Variants in RELN observed in about 807,000 individuals in gnomAD.
RELN encodes the protein reelin.
RELN carries 108 observed loss-of-function variants against 427.6 expected under a neutral mutation model. The ratio of observed to expected loss-of-function variants is 0.25; its 90% CI spans 0.22 to 0.30. RELN has a LOEUF of 0.30. Ranked by LOEUF, RELN falls within the 10% of genes least tolerant of loss-of-function variation. The pLI is 1.00. For synonymous variants in RELN, 1,524 were observed against 1,513.4 expected, an observed-to-expected ratio of 1.01 and a Z score of -0.16; for missense variants, 3,715 against 4,302.8, an observed-to-expected ratio of 0.86 and a Z score of 3.82.
chr7:103,775,471 T>C (rs1323993853), intron 4 of RELN, among the ~76,000 whole-genome samples: 1 of 152,200 alleles, frequency 6.6e-6, no homozygotes, highest in Non-Finnish European at 1.5e-5. Flanking sequence ...TAATAAATGG[T>C]ATTTTCTTAG....
At chr7:103,794,743 A>AG (rs1329382610) in intron 3 of RELN, among the ~76,000 whole-genome samples, 6 of 152,142 alleles carry the variant, frequency 3.9e-5, no homozygotes, top group Admixed American at 3.9e-4. Flanking sequence ...TCTTTGCTGT[A>AG]GGGGGGCTTT....
At chr7:103,585,079 T>C (rs1050508878) in intron 28 of RELN, among the ~76,000 whole-genome samples, 1 of 152,124 alleles carries the variant, frequency 6.6e-6, no homozygotes, top group South Asian at 2.1e-4. Context: ...TAAAAGTTTA[T>C]AGCTTTAAAT....
At chr7:103,483,876 T>A in intron 61 of RELN, 26 bp from the exon 62 acceptor site, 1 of 1,601,186 alleles carries the variant, frequency 6.2e-7, no homozygotes, top group Non-Finnish European at 8.5e-7. Flanking sequence ...AAATCATCTT[T>A]ATTTTTATTT....
chr7:103,510,746 A>C, intron 51 of RELN, 105 bp downstream of exon 51: 1 of 928,670 alleles, frequency 1.1e-6, no homozygotes, highest in Non-Finnish European at 1.7e-6. Context: ...TTACTTTTCA[A>C]AGTATATACT....
chr7:103,551,101 C>T lies in RELN; in HGVS notation c.6268G>A (p.Glu2090Lys). The T allele has an allele frequency of 6.2e-7, 1 of 1,613,842 alleles. No homozygotes were observed. Among genetic ancestry groups the T allele is most frequent in the South Asian group, 1.1e-5 (1 of 91,072 alleles). ...YAGTMQGWRR[E>K]VVHFGKLHLC... is the part of the protein sequence containing the mutation. Reference sequence around the variant, plus strand: ...TGCAGCTTCCCAAAGTGCACGACCTCCCTCCTCCAGCCCTGCATGGTTCCT... The same window carrying T: ...TGCAGCTTCCCAAAGTGCACGACCTTCCTCCTCCAGCCCTGCATGGTTCCT... The change falls in exon 41 of 65, where the codon GAG becomes AAG. Residue 2090 changes from glutamate to lysine, a missense_variant. Transcript: ENST00000428762.
chr7:103,952,717 C>A (rs1012184499), intron 1 of RELN, among the ~76,000 whole-genome samples: 1 of 152,084 alleles, frequency 6.6e-6, no homozygotes, highest in Admixed American at 6.6e-5. Flanking sequence ...TGGAGGTGCA[C>A]ACTCAAAAAA....
intron 57 of RELN, among the ~76,000 whole-genome samples, chr7:103,495,423 G>T (rs1828809778): frequency 6.6e-6 from 1 of 150,898 alleles, no homozygotes; most frequent in Admixed American, 6.6e-5. Flanking sequence ...TCCTGCCCCA[G>T]CCTCCCAAAG....
intron 8 of RELN, among the ~76,000 whole-genome samples, chr7:103,701,686 T>C (rs1834095634): frequency 6.6e-6 from 1 of 152,210 alleles, no homozygotes; most frequent in African/African-American, 2.4e-5. Flanking sequence ...ACATGTCGAA[T>C]GAATTCATAT....
rs1584300117 is a variant in RELN at position 103,854,577 on chromosome 7, T to C, written c.338-20905A>G. ...AATTAAGGGATTAAGAGACTTAGTA[T>C]GAAAAAATATCATCTCCCTTGTGAC... On this transcript the variant is annotated intron_variant, in intron 2 of 64. Transcript: ENST00000428762. 2.0e-5 allele frequency among the ~76,000 whole-genome samples: 3 copies of C among 152,188 alleles called. No homozygotes were observed. In the East Asian group the frequency reaches 5.8e-4, roughly 29 times the overall value.
intron 2 of RELN, among the ~76,000 whole-genome samples, chr7:103,877,305 C>G (rs938375816): frequency 6.6e-6 from 1 of 152,092 alleles, no homozygotes; most frequent in African/African-American, 2.4e-5. Flanking sequence ...TTGGACACTT[C>G]CATTTGAATA....
Position 103,989,607 on chromosome 7 carries a change from C to T in RELN, c.-251G>A, listed in dbSNP as rs1216529773. On this transcript the variant is annotated 5_prime_UTR_variant, in exon 1 of 65. Coordinates refer to ENST00000428762, the MANE Select transcript of RELN (RefSeq NM_005045.4). This position sits in a 1 kb window ranked among gnomAD's most constrained non-coding sequence, Gnocchi z 4.9. Reference sequence around the variant, plus strand: ...CGGGCGCCGAGAGCGCGTCGTCTGCCGCCTCCGTGCGCCGCCGCCGCCTCT... The same window carrying T: ...CGGGCGCCGAGAGCGCGTCGTCTGCTGCCTCCGTGCGCCGCCGCCGCCTCT... The T allele has an allele frequency of 1.1e-5, 4 of 367,412 alleles. No individual in the cohort carries two copies. The East Asian group carries it at 1.4e-4, about 13-fold the overall frequency. 22.8% of individuals were successfully genotyped at this position (367,412 alleles called of 1,614,324 possible).
chr7:103,853,422 C>A (rs1412971149), intron 2 of RELN, among the ~76,000 whole-genome samples: 2 of 151,950 alleles, frequency 1.3e-5, no homozygotes, highest in African/African-American at 4.8e-5. Context: ...TCATTCCAAG[C>A]ATCAATCTGA....
intron 2 of RELN, among the ~76,000 whole-genome samples, chr7:103,842,528 G>T (rs145504401): frequency 5.3e-5 from 8 of 152,074 alleles, no homozygotes; most frequent in African/African-American, 1.9e-4. Context: ...CACCCTTATT[G>T]CAGCTTATCT....
At chr7:103,911,024 G>T (rs1008586553) in intron 2 of RELN, among the ~76,000 whole-genome samples, 16 of 140,818 alleles carry the variant, frequency 1.1e-4, no homozygotes, top group East Asian at 1.1e-3. Flanking sequence ...AAACTAAAGA[G>T]CTTCTGCACA....
intron 3 of RELN, among the ~76,000 whole-genome samples, chr7:103,832,837 C>T (rs78129807): frequency 7.2e-5 from 11 of 152,250 alleles, no homozygotes; most frequent in Non-Finnish European, 1.2e-4. Flanking sequence ...CTGCTTGGCA[C>T]TAATGGCCAG....
In RELN at chr7:103,862,459, CTAT is replaced by C. The variant is rs1584307979; in HGVS notation, c.338-28790_338-28788del. On this transcript the variant is annotated intron_variant, in intron 2 of 64. Coordinates refer to ENST00000428762, the MANE Select transcript of RELN (RefSeq NM_005045.4). ...TCTATCTATCTATCTATCTATCTAT[CTAT>C]CTATCTTCTCAATCTTTCTCCCTCT... Among the ~76,000 whole-genome samples, 3 of 147,624 alleles carry C rather than the reference CTAT, an allele frequency of 2.0e-5. No individual in the cohort carries two copies. The East Asian group carries it at 5.9e-4, about 29-fold the overall frequency.
intron 1 of RELN, among the ~76,000 whole-genome samples, chr7:103,965,073 T>C (rs565576205): frequency 6.6e-6 from 1 of 152,334 alleles, no homozygotes; most frequent in Admixed American, 6.5e-5. Context: ...TTAATATGTA[T>C]AGCAATGTTA....
At chr7:103,807,995 A>G (rs1029266182) in intron 3 of RELN, among the ~76,000 whole-genome samples, 3 of 152,116 alleles carry the variant, frequency 2.0e-5, no homozygotes, top group African/African-American at 7.2e-5. Context: ...AGAGATAAGC[A>G]AAAGTTTAGA....
intron 48 of RELN, among the ~76,000 whole-genome samples, chr7:103,521,274 C>T (rs1348472842): frequency 2.0e-5 from 3 of 152,064 alleles, no homozygotes; most frequent in African/African-American, 7.2e-5. Context: ...CCACCGCGCC[C>T]GGCCAAATTT....
Sources: allele counts gnomAD v4.1 joint callset (sites outside exome capture counted in the v4.1 genomes callset), GRCh38; gene constraint gnomAD v4.1.1; non-coding constraint Gnocchi (gnomAD v3.1); transcripts MANE v1.5; gene names NCBI Gene and HGNC (gene_info 2026-07-23, HGNC 2026-07-21).